CFAP47: variants seen among roughly 807,000 people sequenced by gnomAD.
The protein encoded by CFAP47 is cilia- and flagella-associated protein 47.
A neutral mutation model predicts 148.1 loss-of-function variants in CFAP47; 29 were observed. The observed-to-expected ratio is 0.20, with a 90% CI of 0.15 to 0.27. The LOEUF (loss-of-function observed/expected upper bound fraction) is 0.27, where lower values mean the gene tolerates loss of function less well. Among genes scored for constraint, CFAP47 ranks in the 10% least tolerant of loss-of-function variants. The probability of loss-of-function intolerance (pLI) is 1.00; values close to 1 mark genes in which losing one functional copy is unlikely to be tolerated. For synonymous variants in CFAP47, 664 were observed against 577.3 expected (o/e 1.15, Z -2.15); for missense variants, 1,872 against 1,697.5 (o/e 1.10, Z -1.81).
intron 49 of CFAP47, among the ~76,000 whole-genome samples, chrX:36,263,189 T>G (rs1556000474): frequency 8.9e-6 from 1 of 112,166 alleles, no homozygotes; most frequent in Non-Finnish European, 1.9e-5. Context: ...ATAGTTTCTT[T>G]TACTGTGCAG....
chrX:36,360,483 C>T (rs1351533081), intron 60 of CFAP47, among the ~76,000 whole-genome samples: 1 of 111,393 alleles, frequency 9.0e-6, no homozygotes, highest in Non-Finnish European at 1.9e-5. Context: ...CTTTGCTATT[C>T]CCTTCCCCTG....
rs181814526 is a variant in CFAP47, at chrX:36,350,362, A to G, written c.8698+230A>G. Among the ~76,000 whole-genome samples the G allele has an allele frequency of 9.2e-4, 103 of 111,459 alleles. 1 individual carries two copies. The highest frequency in any genetic ancestry group is 3.3e-3 in the African/African-American group (100 of 30,731). ...TTGGTGAAATGCAGATATCGGCTAA[A>G]ATTAAAATCAAATTAACTTCAGACT... On this transcript the variant is annotated intron_variant, in intron 59 of 63. Coordinates refer to ENST00000378653, the MANE Select transcript of CFAP47 (RefSeq NM_001304548.2).
intron 60 of CFAP47, among the ~76,000 whole-genome samples, chrX:36,357,760 C>A (rs975683747): frequency 9.0e-6 from 1 of 111,268 alleles, no homozygotes; most frequent in Non-Finnish European, 1.9e-5. Context: ...ACCTCCTGGT[C>A]CATGCATTCT....
At chrX:36,331,030 A>G (rs186691677) in intron 57 of CFAP47, among the ~76,000 whole-genome samples, 1 of 111,686 alleles carries the variant, frequency 9.0e-6, no homozygotes, top group East Asian at 2.8e-4. Context: ...CAAAATTCCT[A>G]GAAAGAGTTG....
At chrX:36,262,425 C>T (rs1940840060) in intron 49 of CFAP47, among the ~76,000 whole-genome samples, 1 of 111,586 alleles carries the variant, frequency 9.0e-6, no homozygotes, top group African/African-American at 3.3e-5. Flanking sequence ...ACCATAAATT[C>T]ATTTGTTTTG....
At chrX:35,956,312 T>C (rs961280514) in intron 8 of CFAP47, 116 bp downstream of exon 8, 8 of 558,891 alleles carry the variant, frequency 1.4e-5, no homozygotes, top group Non-Finnish European at 2.3e-5. Context: ...ATTGTTTCTC[T>C]TCTGCAGCCT....
chrX:36,287,819 T>G (rs1941149917), intron 51 of CFAP47, among the ~76,000 whole-genome samples: 2 of 112,004 alleles, frequency 1.8e-5, no homozygotes, highest in African/African-American at 6.5e-5. Flanking sequence ...TGAAGATTTA[T>G]TTACTAGAGA....
intron 1 of CFAP47, among the ~76,000 whole-genome samples, chrX:35,923,818 G>GAAAA (rs775947756): frequency 2.4e-5 from 2 of 84,542 alleles, no homozygotes; most frequent in Admixed American, 1.4e-4. Context: ...GAATCCGTCT[G>GAAAA]AAAAAAAAAA....
rs184364708 is a variant in CFAP47, at chrX:36,258,170, A to G, written c.7444+6726A>G. ...AAATTTGCAATTTGGAACTTGCTAC[A>G]CTGGAATGGGATCTTTTTATGACAC... On this transcript the variant is annotated intron_variant, in intron 49 of 63. Transcript: ENST00000378653. Among the ~76,000 whole-genome samples the G allele has an allele frequency of 9.7e-3, 1,094 of 112,297 alleles. 7 individuals carry two copies. Among genetic ancestry groups the G allele is most frequent in the Middle Eastern group, 0.028 (6 of 217 alleles).
intron 15 of CFAP47, among the ~76,000 whole-genome samples, chrX:35,978,153 T>G (rs1274006893): frequency 8.9e-6 from 1 of 112,184 alleles, no homozygotes; most frequent in East Asian, 2.8e-4. Context: ...TCAGTTTGTT[T>G]GAACAGGTAT....
intron 18 of CFAP47, among the ~76,000 whole-genome samples, chrX:35,996,927 T>A (rs768363133): frequency 8.9e-6 from 1 of 112,151 alleles, no homozygotes; most frequent in Non-Finnish European, 1.9e-5. Context: ...CATATTTGTA[T>A]CTTTCTAGGG....
chrX:36,044,690 T>A (rs1336886322), intron 25 of CFAP47, among the ~76,000 whole-genome samples: 1 of 111,377 alleles, frequency 9.0e-6, no homozygotes, highest in African/African-American at 3.3e-5. Context: ...ATCATTTTGG[T>A]CAAAACCATT....
chrX:35,987,639 A>G (rs1470701026), intron 15 of CFAP47, among the ~76,000 whole-genome samples: 1 of 111,057 alleles, frequency 9.0e-6, no homozygotes, highest in East Asian at 2.9e-4. Context: ...CTGGCATTCC[A>G]GGTGCCACTG....
intron 2 of CFAP47, among the ~76,000 whole-genome samples, chrX:35,938,707 G>T (rs867132283): frequency 1.6e-4 from 18 of 111,399 alleles, no homozygotes; most frequent in Non-Finnish European, 3.4e-4. Context: ...GGAATGAAAG[G>T]ATTTTATTGT....
intron 8 of CFAP47, among the ~76,000 whole-genome samples, chrX:35,961,833 T>C (rs1008247551): frequency 1.7e-4 from 19 of 111,686 alleles, no homozygotes; most frequent in Non-Finnish European, 2.8e-4. Context: ...ATTACTACTT[T>C]TGTGTTTATT....
At chrX:36,104,727 C>A (rs774761705) in intron 33 of CFAP47, 36 bp downstream of exon 33, 4 of 504,405 alleles carry the variant, frequency 7.9e-6, no homozygotes. Context: ...CAAATTATTG[C>A]AAATTGTAGT....
At chrX:35,962,926 GGTGTGTGTGTGTGTGT>G (rs59734260) in intron 8 of CFAP47, among the ~76,000 whole-genome samples, 17 of 90,796 alleles carry the variant, frequency 1.9e-4, no homozygotes, top group African/African-American at 4.9e-4. Context: ...AATAAAATGT[GGTGTGTGTGTGTGTGT>G]GTGTGTGTGT....
intron 46 of CFAP47, among the ~76,000 whole-genome samples, chrX:36,230,094 A>C (rs1259446430): frequency 2.8e-5 from 3 of 106,985 alleles, no homozygotes; most frequent in African/African-American, 1.0e-4. Context: ...TCTTTATAGC[A>C]GCATGATTTA....
rs908330301 is a variant in CFAP47, at chrX:36,065,699, A to C, written c.4274A>C (p.Tyr1425Ser). 8.4e-7 allele frequency: 1 copy of C among 1,193,835 alleles called. No homozygotes were observed. Among genetic ancestry groups the C allele is most frequent in the African/African-American group, 1.8e-5 (1 of 56,914 alleles). ...AACTGCATTCTTACTATTTACCCAT[A>C]TATGGCAATTCATCTGGATAAGCAA... ...AENCILTIYP[Y>S]MAIHLDKQNI... Residue 1425 changes from tyrosine (Y) to serine (S), a missense_variant, in exon 27 of 64, where the codon TAT becomes TCT. Coordinates refer to ENST00000378653, the MANE Select transcript of CFAP47 (RefSeq NM_001304548.2).
Sources: allele counts gnomAD v4.1 joint callset (sites outside exome capture counted in the v4.1 genomes callset), GRCh38; gene constraint gnomAD v4.1.1; transcripts MANE v1.5; gene names NCBI Gene and HGNC (gene_info 2026-07-23, HGNC 2026-07-21).